Variants in HTT-AS observed in about 807,000 individuals in gnomAD.
HTT-AS encodes the protein HTT antisense RNA.
chr4:3,067,827 C>T (rs1227202600), intron 1 of HTT-AS, among the ~76,000 whole-genome samples: 1 of 152,160 alleles, frequency 6.6e-6, no homozygotes. Context: ...CCAAAGGGGA[C>T]CTCGAGGGCC....
chr4:3,050,439 T>C (rs193070227), intron 2 of HTT-AS, among the ~76,000 whole-genome samples: 129 of 152,352 alleles, frequency 8.5e-4, no homozygotes, highest in African/African-American at 2.8e-3. Context: ...CAGGAATTCT[T>C]ACCCAGTTCA....
intron 1 of HTT-AS, among the ~76,000 whole-genome samples, chr4:3,068,332 AAG>A (rs1491277548): frequency 1.4e-5 from 2 of 143,982 alleles, no homozygotes; most frequent in African/African-American, 5.0e-5. Flanking sequence ...AAAAAAAAAA[AAG>A]GGTGACGAAG....
intron 1 of HTT-AS, among the ~76,000 whole-genome samples, chr4:3,070,952 T>A (rs569499757): frequency 6.6e-6 from 1 of 152,350 alleles, no homozygotes; most frequent in South Asian, 2.1e-4. Flanking sequence ...ATCTTTACTC[T>A]TTTTAGATGA....
chr4:3,056,651 A>T (rs1711808162), intron 2 of HTT-AS, among the ~76,000 whole-genome samples: 1 of 152,184 alleles, frequency 6.6e-6, no homozygotes, highest in Non-Finnish European at 1.5e-5. Flanking sequence ...CCAAAAACGT[A>T]TTATAATGCC....
At chr4:3,074,213 T>A (rs1433774573) in intron 1 of HTT-AS, among the ~76,000 whole-genome samples, 1 of 104,892 alleles carries the variant, frequency 9.5e-6, no homozygotes, top group Non-Finnish European at 2.0e-5. Context: ...AATGTCCCCG[T>A]CCCCAGCATC....
chr4:3,058,973 G>C (rs1430350031), intron 2 of HTT-AS, among the ~76,000 whole-genome samples: 1 of 152,104 alleles, frequency 6.6e-6, no homozygotes, highest in Non-Finnish European at 1.5e-5. Context: ...AGCCGCGTTG[G>C]CCTCCCAAAG....
At chr4:3,073,802 C>T (rs1712268551) in intron 1 of HTT-AS, among the ~76,000 whole-genome samples, 1 of 151,998 alleles carries the variant, frequency 6.6e-6, no homozygotes, top group South Asian at 2.1e-4. Context: ...GGAGCTCGCC[C>T]ACCCTCTCCC....
intron 2 of HTT-AS, among the ~76,000 whole-genome samples, chr4:3,057,896 T>C (rs908845422): frequency 7.3e-5 from 11 of 151,682 alleles, no homozygotes; most frequent in Non-Finnish European, 1.5e-4. Flanking sequence ...GTGCTGGGAT[T>C]ACAGGCGTGA....
intron 2 of HTT-AS, among the ~76,000 whole-genome samples, chr4:3,054,556 T>A (rs1711771451): frequency 6.6e-6 from 1 of 152,182 alleles, no homozygotes; most frequent in South Asian, 2.1e-4. Context: ...TTAAGTTAGA[T>A]AAGATAAAGC....
At chr4:3,074,554 C>T (rs1470267823), upstream of HTT-AS, 34 of 343,138 alleles carry the variant, frequency 9.9e-5, 3 homozygotes, top group East Asian at 2.4e-3. Context: ...CGGGCTGGTT[C>T]CCTGGCCAGC....
Position 3,049,906 on chromosome 4 carries a change from TCACACACACACACACACA to T in HTT-AS, n.1381-226_1381-209del, listed in dbSNP as rs57430954. Reference sequence around the variant, plus strand: ...AACTATTTTAGCAATTTGTAAGTTATCACACACACACACACACACACACACACACACACACACACACAT... The same window carrying T: ...AACTATTTTAGCAATTTGTAAGTTATCACACACACACACACACACACACAT... On this transcript the variant is annotated intron_variant and non_coding_transcript_variant, in intron 2 of 2. Transcript: ENST00000664062. Among the ~76,000 whole-genome samples, 48 of 134,716 alleles carry T rather than the reference TCACACACACACACACACA, an allele frequency of 3.6e-4. No individual in the cohort carries two copies. The Middle Eastern group carries it at 0.015, about 43-fold the overall frequency. 88.4% of individuals were successfully genotyped at this position (134,716 alleles called of 152,430 possible).
At position 3,072,051 on chromosome 4, in the gene HTT-AS, A is replaced by G. The variant is rs551778137; in HGVS notation, n.113+2375T>C. Among the ~76,000 whole-genome samples, 4 of 152,302 alleles carry G rather than the reference A, an allele frequency of 2.6e-5. No homozygotes were observed. The East Asian group carries it at 7.7e-4, about 29-fold the overall frequency. ...TGGCAGCACACATGTCTAGTCATAG[A>G]GTTATATGTAGTTACGTGTAGAGCC... On this transcript the variant is annotated intron_variant and non_coding_transcript_variant, in intron 1 of 2. Coordinates refer to ENST00000664062, the Ensembl canonical transcript of HTT-AS.
downstream of HTT-AS, among the ~76,000 whole-genome samples, chr4:3,048,142 G>A (rs545696676): frequency 1.3e-5 from 2 of 151,954 alleles, 1 homozygote; most frequent in Admixed American, 1.3e-4. Flanking sequence ...CTATCTCTTT[G>A]TCTTGTGTCC....
intron 1 of HTT-AS, among the ~76,000 whole-genome samples, chr4:3,074,055 C>T (rs1330065808): frequency 4.8e-5 from 7 of 144,564 alleles, no homozygotes. Flanking sequence ...CGAGCCCCTC[C>T]ATGGCCCTGC....
At chr4:3,050,179 A>T (rs1291853551) in intron 2 of HTT-AS, among the ~76,000 whole-genome samples, 1 of 152,218 alleles carries the variant, frequency 6.6e-6, no homozygotes, top group Non-Finnish European at 1.5e-5. Flanking sequence ...ATACTTAATT[A>T]ACATTAGACT....
intron 1 of HTT-AS, among the ~76,000 whole-genome samples, chr4:3,073,762 C>T (rs1712265203): frequency 6.6e-6 from 1 of 152,170 alleles, no homozygotes; most frequent in Admixed American, 6.5e-5. Context: ...CAGGTCGTGC[C>T]GACCACGCGC....
At chr4:3,048,154 T>A (rs1414419545), downstream of HTT-AS, among the ~76,000 whole-genome samples, 2 of 152,148 alleles carry the variant, frequency 1.3e-5, no homozygotes, top group African/African-American at 4.8e-5. Context: ...CTTGTGTCCT[T>A]ATTTCTGTGA....
chr4:3,065,425 G>A (rs1344110521), intron 1 of HTT-AS, among the ~76,000 whole-genome samples: 1 of 151,902 alleles, frequency 6.6e-6, no homozygotes, highest in Admixed American at 6.6e-5. Context: ...TTGTATTTTA[G>A]TAGAGATGGG....
intron 1 of HTT-AS, among the ~76,000 whole-genome samples, chr4:3,072,460 C>T (rs1294106079): frequency 6.6e-6 from 1 of 152,184 alleles, no homozygotes; most frequent in Non-Finnish European, 1.5e-5. Flanking sequence ...TAGAAGCAGG[C>T]CACCAGGTAC....
Sources: gnomAD v4.1 joint callset for allele counts (sites outside exome capture counted in the v4.1 genomes callset) on GRCh38, gnomAD v4.1.1 for gene constraint, MANE v1.5 for transcripts, NCBI Gene and HGNC (gene_info 2026-07-23, HGNC 2026-07-21) for gene names.